GAB2: variants seen among roughly 807,000 people sequenced by gnomAD.
The protein encoded by GAB2 is GRB2-associated-binding protein 2.
In GAB2, 26 loss-of-function variants were observed where a neutral mutation model predicts 65.5. The ratio of observed to expected loss-of-function variants is 0.40; its 90% confidence interval spans 0.29 to 0.55. GAB2 has a LOEUF of 0.55. GAB2 is among the 20% of genes least tolerant of loss of function. The pLI is 0.53. For synonymous variants in GAB2, 321 were observed against 329.6 expected, an observed-to-expected ratio of 0.97 and a Z score of 0.28; for missense variants, 884 against 875.8, an observed-to-expected ratio of 1.01 and a Z score of -0.12.
At chr11:78,359,286 T>C (rs899940791) in intron 1 of GAB2, among the ~76,000 whole-genome samples, 2 of 152,044 alleles carry the variant, frequency 1.3e-5, no homozygotes, top group African/African-American at 4.8e-5. Context: ...AGAAACCACA[T>C]ATGGTAATGA....
At chr11:78,358,439 T>TATAATA (rs201503823) in intron 1 of GAB2, among the ~76,000 whole-genome samples, 9,767 of 117,144 alleles carry the variant, frequency 0.083, 506 homozygotes, top group East Asian at 0.19. Context: ...GAACTTAAAA[T>TATAATA]ATAATAATAA....
At chr11:78,400,640 T>C (rs912172073) in intron 1 of GAB2, among the ~76,000 whole-genome samples, 1 of 152,122 alleles carries the variant, frequency 6.6e-6, no homozygotes, top group Admixed American at 6.5e-5. Flanking sequence ...CAGTGGCTCA[T>C]GTCTGTAATC....
At chr11:78,346,673 C>CCA (rs758099602) in intron 1 of GAB2, among the ~76,000 whole-genome samples, 1,573 of 40,846 alleles carry the variant, frequency 0.039, 61 homozygotes, top group South Asian at 0.079. Flanking sequence ...TACATCCCCT[C>CCA]CATATATATA....
chr11:78,376,719 G>A (rs1856635382), intron 1 of GAB2, among the ~76,000 whole-genome samples: 1 of 152,146 alleles, frequency 6.6e-6, no homozygotes, highest in African/African-American at 2.4e-5. Context: ...ATGAGGGAGA[G>A]TTGGAGGGGG....
At chr11:78,236,775 GT>G (rs11339524) in intron 3 of GAB2, among the ~76,000 whole-genome samples, 147,890 of 149,718 alleles carry the variant, frequency 0.99, 73,057 homozygotes, top group African/African-American at 1. Flanking sequence ...TACTTTGATT[GT>G]TTTTTTTTTG....
chr11:78,241,051 C>T (rs1288031878), intron 3 of GAB2, among the ~76,000 whole-genome samples: 1 of 152,246 alleles, frequency 6.6e-6, no homozygotes, highest in Admixed American at 6.5e-5. Flanking sequence ...AGGGATCCCC[C>T]TGACTGAGTC....
intron 1 of GAB2, among the ~76,000 whole-genome samples, chr11:78,315,944 T>C (rs1353207037): frequency 6.6e-6 from 1 of 152,106 alleles, no homozygotes; most frequent in Admixed American, 6.5e-5. Context: ...TTGGGCACCA[T>C]CCTACTGCCT....
intron 3 of GAB2, among the ~76,000 whole-genome samples, chr11:78,237,977 T>C (rs1046477195): frequency 1.3e-5 from 2 of 152,072 alleles, no homozygotes; most frequent in Admixed American, 6.6e-5. Context: ...AGCTGAACAA[T>C]GAGAACACAT....
At chr11:78,289,315 G>A (rs146600081) in intron 1 of GAB2, among the ~76,000 whole-genome samples, 212 of 152,278 alleles carry the variant, frequency 1.4e-3, no homozygotes, top group Middle Eastern at 6.8e-3. Context: ...CCATAGGGGA[G>A]TAAAGACCTT....
intron 2 of GAB2, among the ~76,000 whole-genome samples, chr11:78,252,234 G>C (rs1317484397): frequency 6.6e-6 from 1 of 152,210 alleles, no homozygotes; most frequent in Non-Finnish European, 1.5e-5. Context: ...CAGGACACCT[G>C]CCAGTGTACA....
chr11:78,382,699 T>C (rs1440149823), intron 1 of GAB2, among the ~76,000 whole-genome samples: 1 of 152,226 alleles, frequency 6.6e-6, no homozygotes, highest in Non-Finnish European at 1.5e-5. Flanking sequence ...TGAGACCTTT[T>C]AGACTTAGCC....
At chr11:78,224,072 ACT>A (rs1319122686) in intron 5 of GAB2, among the ~76,000 whole-genome samples, 3 of 151,952 alleles carry the variant, frequency 2.0e-5, no homozygotes, top group African/African-American at 7.3e-5. Context: ...ACAGAGTGAG[ACT>A]CTGTTTCAAA....
rs1013647147 is a variant in GAB2 at position 78,215,316 on chromosome 11, C to CTT, written c.*3954_*3955dup. ...GGTTCTGGGGTGCATTTCTAGTGGA[C>CTT]TTTATTGTCCTGCTCCAACACCACA... On this transcript the variant is annotated 3_prime_UTR_variant, in exon 10 of 10. Coordinates refer to ENST00000361507, the MANE Select transcript of GAB2 (RefSeq NM_080491.3). 2.0e-5 allele frequency: 3 copies of CTT among 152,564 alleles called. No homozygotes were observed. The highest frequency in any genetic ancestry group is 4.8e-5 in the African/African-American group (2 of 41,404). The allele number at this position is 152,564 out of a possible 1,614,324, so 9.5% of individuals were successfully genotyped here.
intron 1 of GAB2, among the ~76,000 whole-genome samples, 165 bp downstream of exon 1, chr11:78,417,481 A>G (rs1857214030): frequency 6.7e-6 from 1 of 150,348 alleles, no homozygotes; most frequent in East Asian, 2.0e-4. Context: ...CCCACCTGTG[A>G]CAGGTGTGCA....
intron 8 of GAB2, among the ~76,000 whole-genome samples, chr11:78,221,052 C>T (rs1046458068): frequency 3.3e-5 from 5 of 152,228 alleles, no homozygotes; most frequent in Admixed American, 6.5e-5. Context: ...TCAGATGACA[C>T]GCTCTAGGAT....
At chr11:78,287,937 C>A (rs888964088) in intron 1 of GAB2, among the ~76,000 whole-genome samples, 1 of 151,762 alleles carries the variant, frequency 6.6e-6, no homozygotes, top group Admixed American at 6.6e-5. Flanking sequence ...TGTGAGCCAG[C>A]GTGCCCAGCC....
At chr11:78,330,920 C>T (rs181777846) in intron 1 of GAB2, among the ~76,000 whole-genome samples, 3 of 152,116 alleles carry the variant, frequency 2.0e-5, no homozygotes, top group Admixed American at 6.5e-5. Context: ...ATGGCTGTAA[C>T]CCCAGCACTT....
chr11:78,282,232 A>G (rs982862687), intron 1 of GAB2, among the ~76,000 whole-genome samples: 2 of 152,196 alleles, frequency 1.3e-5, no homozygotes, highest in African/African-American at 4.8e-5. Flanking sequence ...AGTAATCTGT[A>G]AGCAGACATT....
intron 1 of GAB2, among the ~76,000 whole-genome samples, chr11:78,407,754 AAG>A (rs1857072977): frequency 6.6e-6 from 1 of 151,550 alleles, no homozygotes; most frequent in South Asian, 2.1e-4. Flanking sequence ...AAGAAAAAGA[AAG>A]AAAGAAAGAA....
Sources: gnomAD v4.1 joint callset for allele counts (sites outside exome capture counted in the v4.1 genomes callset) on GRCh38, gnomAD v4.1.1 for gene constraint, MANE v1.5 for transcripts, NCBI Gene and HGNC (gene_info 2026-07-23, HGNC 2026-07-21) for gene names.